The following PRDM5 variants were observed in gnomAD, a reference collection of about 807,000 sequenced individuals.
The protein encoded by PRDM5 is PR domain zinc finger protein 5.
PRDM5 carries 56 observed loss-of-function variants against 81.2 expected under a neutral mutation model. The observed-to-expected ratio is 0.69, with a 90% CI of 0.56 to 0.86. PRDM5 has a LOEUF of 0.86. Among genes scored for constraint, PRDM5 ranks in the 40% least tolerant of loss-of-function variants. PRDM5 has a pLI of 0.00. For missense variants in PRDM5, 697 were observed against 770.1 expected, an observed-to-expected ratio of 0.91 and a Z score of 1.12; for synonymous variants, 267 against 256.4, an observed-to-expected ratio of 1.04 and a Z score of -0.39.
intron 4 of PRDM5, among the ~76,000 whole-genome samples, chr4:120,819,523 T>C (rs1240071480): frequency 6.6e-6 from 1 of 151,912 alleles, no homozygotes; most frequent in Non-Finnish European, 1.5e-5. Context: ...AGTATAATAA[T>C]AATAAAATAA....
intron 2 of PRDM5, among the ~76,000 whole-genome samples, chr4:120,875,860 A>G (rs1227490909): frequency 6.6e-6 from 1 of 152,216 alleles, no homozygotes; most frequent in African/African-American, 2.4e-5. Context: ...TGGAGTGGGT[A>G]AGTAATTCAA....
At chr4:120,894,030 A>C (rs1220853825) in intron 2 of PRDM5, among the ~76,000 whole-genome samples, 1 of 152,178 alleles carries the variant, frequency 6.6e-6, no homozygotes, top group Non-Finnish European at 1.5e-5. Flanking sequence ...ATTTAGCACA[A>C]TGATTGATCT....
rs1279581618 is a variant in PRDM5, at chr4:120,703,573, G to A, written c.1728+6736C>T. The stretch of plus-strand genomic sequence containing the variant: ...TGGCATCTTCTACTATTTCATCCCA[G>A]TGTCCAGCACAGGGCCTAGGCTTAA... On this transcript the variant is annotated intron_variant, in intron 15 of 15. Coordinates refer to ENST00000264808, the MANE Select transcript of PRDM5 (RefSeq NM_018699.4). Among the ~76,000 whole-genome samples, 9 of 152,164 alleles carry A rather than the reference G, an allele frequency of 5.9e-5. 1 individual carries two copies. Among genetic ancestry groups the A allele is most frequent in the African/African-American group, 2.2e-4 (9 of 41,438 alleles).
At chr4:120,726,790 GGA>G in intron 14 of PRDM5, among the ~76,000 whole-genome samples, 1 of 152,274 alleles carries the variant, frequency 6.6e-6, no homozygotes, top group South Asian at 2.1e-4. Flanking sequence ...GGGGTGGGAT[GGA>G]GAGTGATAGA....
chr4:120,886,947 C>CTTTT (rs34889092), intron 2 of PRDM5, among the ~76,000 whole-genome samples: 28 of 142,674 alleles, frequency 2.0e-4, no homozygotes, highest in Middle Eastern at 3.5e-3. Flanking sequence ...TCTTCTCTTT[C>CTTTT]TTTTTTTTTT....
intron 10 of PRDM5, among the ~76,000 whole-genome samples, chr4:120,796,857 TATA>T (rs1305129193): frequency 1.3e-5 from 2 of 152,120 alleles, no homozygotes; most frequent in Non-Finnish European, 2.9e-5. Flanking sequence ...CCCCATGGAG[TATA>T]ATAACTGAAA....
intron 2 of PRDM5, among the ~76,000 whole-genome samples, chr4:120,872,173 A>AAAAAAAAAAAAAAAAAAAAAAAAG (rs1761899570): frequency 7.0e-6 from 1 of 142,790 alleles, no homozygotes; most frequent in Non-Finnish European, 1.6e-5. Flanking sequence ...AAAAAAAAAA[A>AAAAAAAAAAAAAAAAAAAAAAAAG]ACCTGTACAG....
intron 3 of PRDM5, among the ~76,000 whole-genome samples, chr4:120,834,910 C>T (rs957550700): frequency 6.6e-6 from 1 of 152,202 alleles, no homozygotes; most frequent in African/African-American, 2.4e-5. Context: ...CATCATTTCT[C>T]CTGGCTCTCA....
At chr4:120,883,288 T>C (rs577522224) in intron 2 of PRDM5, among the ~76,000 whole-genome samples, 1 of 152,310 alleles carries the variant, frequency 6.6e-6, no homozygotes, top group East Asian at 1.9e-4. Flanking sequence ...AAGTTGATTT[T>C]CGTTTATTTT....
intron 2 of PRDM5, among the ~76,000 whole-genome samples, chr4:120,877,559 C>T (rs1036227170): frequency 6.6e-6 from 1 of 152,154 alleles, no homozygotes; most frequent in Non-Finnish European, 1.5e-5. Context: ...AATCCCAGCA[C>T]TTTGGGAGGC....
intron 10 of PRDM5, among the ~76,000 whole-genome samples, chr4:120,789,785 A>C (rs1261568681): frequency 6.6e-6 from 1 of 152,198 alleles, no homozygotes. Context: ...AAGATATTGA[A>C]GAAGTCAGTT....
At position 120,791,839 on chromosome 4, in the gene PRDM5, T is replaced by C. The variant is rs148994617; in HGVS notation, c.1188+6428A>G. On this transcript the variant is annotated intron_variant, in intron 10 of 15. Coordinates refer to ENST00000264808, the MANE Select transcript of PRDM5 (RefSeq NM_018699.4). ...AGGGTGGACGCTTTGTGAACTGGAT[T>C]AGTGCCGTTATCAAAAGAGATAGGA... is the stretch of plus-strand genomic sequence containing the variant. 2.6e-5 allele frequency among the ~76,000 whole-genome samples: 4 copies of C among 152,326 alleles called. No individual in the cohort carries two copies. In the East Asian group the frequency reaches 7.7e-4, roughly 29 times the overall value.
At chr4:120,723,847 T>C (rs1276250650) in intron 14 of PRDM5, among the ~76,000 whole-genome samples, 2 of 151,836 alleles carry the variant, frequency 1.3e-5, no homozygotes, top group African/African-American at 4.8e-5. Context: ...TCTTGTCATG[T>C]ATCATCCTCG....
chr4:120,859,357 C>T (rs997916626), intron 2 of PRDM5, among the ~76,000 whole-genome samples: 2 of 151,960 alleles, frequency 1.3e-5, no homozygotes, highest in African/African-American at 4.8e-5. Flanking sequence ...GGGACTGGGA[C>T]TACAGGTGCA....
At chr4:120,825,735 C>T (rs1360396520) in intron 3 of PRDM5, among the ~76,000 whole-genome samples, 2 of 152,178 alleles carry the variant, frequency 1.3e-5, no homozygotes, top group Admixed American at 1.3e-4. Flanking sequence ...TGAAATAAAT[C>T]TGCCTGCCTA....
intron 13 of PRDM5, among the ~76,000 whole-genome samples, chr4:120,774,940 A>T (rs922887430): frequency 2.5e-5 from 3 of 119,870 alleles, no homozygotes; most frequent in Non-Finnish European, 5.7e-5. Flanking sequence ...GTATATGTAT[A>T]TATGTGTGTG....
At chr4:120,822,109 A>G (rs17051266) in intron 3 of PRDM5, among the ~76,000 whole-genome samples, 30,322 of 152,206 alleles carry the variant, frequency 0.2, 3,676 homozygotes, top group Non-Finnish European at 0.28. Context: ...CCTTCTTTCC[A>G]AGGAAACCCC....
chr4:120,787,894 T>A (rs1053750338), intron 10 of PRDM5, among the ~76,000 whole-genome samples: 1 of 152,142 alleles, frequency 6.6e-6, no homozygotes, highest in African/African-American at 2.4e-5. Flanking sequence ...ACATATGGTA[T>A]CAATATTTAA....
chr4:120,731,902 G>A (rs1291360518), intron 14 of PRDM5: 1 of 152,154 alleles, frequency 6.6e-6, no homozygotes, highest in South Asian at 2.1e-4. Flanking sequence ...AAGAGACATG[G>A]CTGGGTCTCT....
Sources: gnomAD v4.1 joint callset for allele counts (sites outside exome capture counted in the v4.1 genomes callset) on GRCh38, gnomAD v4.1.1 for gene constraint, MANE v1.5 for transcripts, NCBI Gene and HGNC (gene_info 2026-07-23, HGNC 2026-07-21) for gene names.